Variants in CYRIA observed in about 807,000 individuals in gnomAD.
CYRIA encodes CYFIP related Rac1 interactor A.
A neutral mutation model predicts 43.9 loss-of-function variants in CYRIA; 15 were observed. The observed-to-expected ratio is 0.34, with a 90% CI of 0.23 to 0.53. The LOEUF (loss-of-function observed/expected upper bound fraction) is 0.53. Among genes scored for constraint, CYRIA ranks in the 20% least tolerant of loss-of-function variants. The pLI is 0.94. For synonymous variants in CYRIA, 117 were observed against 136.0 expected (o/e 0.86, Z 0.97); for missense variants, 236 against 394.2 (o/e 0.60, Z 3.40).
At chr2:16,662,600 G>A (rs929905365) in intron 1 of CYRIA, among the ~76,000 whole-genome samples, 21 of 152,172 alleles carry the variant, frequency 1.4e-4, no homozygotes, top group Non-Finnish European at 1.2e-4. Context: ...AGTTGGAACC[G>A]GAGACTTCTA....
chr2:16,616,913 C>G (rs1231152072), intron 2 of CYRIA, among the ~76,000 whole-genome samples: 2 of 152,236 alleles, frequency 1.3e-5, no homozygotes, highest in Middle Eastern at 3.2e-3. Flanking sequence ...CCAAGAGCAT[C>G]TGGCTCCAGA....
chr2:16,624,104 A>G (rs1355970808), intron 1 of CYRIA, 85 bp from the exon 2 acceptor site: 1 of 152,268 alleles, frequency 6.6e-6, no homozygotes, highest in Non-Finnish European at 1.5e-5. Flanking sequence ...AGGAGAGCAG[A>G]GAGTCACAAG....
intron 2 of CYRIA, among the ~76,000 whole-genome samples, chr2:16,604,067 C>A (rs771230311): frequency 6.6e-6 from 1 of 152,198 alleles, no homozygotes; most frequent in African/African-American, 2.4e-5. Flanking sequence ...TGGCCTCTCA[C>A]GTCGTCAGGC....
chr2:16,592,456 G>A (rs1667964258), intron 2 of CYRIA, among the ~76,000 whole-genome samples: 1 of 151,996 alleles, frequency 6.6e-6, no homozygotes, highest in African/African-American at 2.4e-5. Context: ...TGTCCTCTCT[G>A]GGAGGCCTTT....
intron 1 of CYRIA, among the ~76,000 whole-genome samples, chr2:16,632,700 T>C (rs183834153): frequency 2.9e-4 from 44 of 152,070 alleles, no homozygotes; most frequent in Admixed American, 3.9e-4. Context: ...TCAGAGTCCA[T>C]AGGATGAGGA....
At chr2:16,647,816 T>C (rs1358084403) in intron 1 of CYRIA, among the ~76,000 whole-genome samples, 2 of 152,162 alleles carry the variant, frequency 1.3e-5, no homozygotes, top group Non-Finnish European at 2.9e-5. Flanking sequence ...TGTCTGCTAA[T>C]CAGACTGCCT....
intron 10 of CYRIA, among the ~76,000 whole-genome samples, chr2:16,558,507 A>C (rs1182717993): frequency 1.3e-5 from 2 of 152,174 alleles, no homozygotes; most frequent in African/African-American, 4.8e-5. Context: ...GTTACTACCA[A>C]GAGATGCTAT....
chr2:16,624,855 A>G (rs937378484), intron 1 of CYRIA, among the ~76,000 whole-genome samples: 2 of 152,240 alleles, frequency 1.3e-5, no homozygotes, highest in African/African-American at 4.8e-5. Context: ...TCCTCAAAAA[A>G]TCCCAGTGAG....
intron 3 of CYRIA, among the ~76,000 whole-genome samples, chr2:16,579,565 T>C (rs1667477329): frequency 6.6e-6 from 1 of 152,034 alleles, no homozygotes; most frequent in Admixed American, 6.5e-5. Context: ...AGTGAAAAGG[T>C]GTTAATTTGC....
At chr2:16,603,949 T>C (rs1290301077) in intron 2 of CYRIA, among the ~76,000 whole-genome samples, 1 of 152,204 alleles carries the variant, frequency 6.6e-6, no homozygotes. Flanking sequence ...ATCCTAAATA[T>C]GCCAGGTTTA....
At chr2:16,633,543 CTT>C (rs755223919) in intron 1 of CYRIA, among the ~76,000 whole-genome samples, 1 of 92,320 alleles carries the variant, frequency 1.1e-5, no homozygotes, top group Non-Finnish European at 2.2e-5. Flanking sequence ...CTATCCCTGG[CTT>C]TTTTTTTTTT....
intron 2 of CYRIA, among the ~76,000 whole-genome samples, chr2:16,605,025 C>T (rs1043664999): frequency 6.6e-6 from 1 of 152,088 alleles, no homozygotes; most frequent in Non-Finnish European, 1.5e-5. Flanking sequence ...CTTGAATATT[C>T]TCATCGATCA....
intron 2 of CYRIA, among the ~76,000 whole-genome samples, chr2:16,620,709 C>T (rs1239433954): frequency 6.6e-6 from 1 of 152,124 alleles, no homozygotes. Context: ...TGATTCATAC[C>T]CTCACCTCCC....
In CYRIA at chr2:16,646,128, C is replaced by G. The variant is rs556342840; in HGVS notation, c.-167+19652G>C. 8.1e-4 allele frequency among the ~76,000 whole-genome samples: 124 copies of G among 152,234 alleles called. 2 individuals carry two copies. The South Asian group carries it at 0.025, about 31-fold the overall frequency. ...CTTTCCCTCTCTGGGCCTCAGTATT[C>G]CCACCTATAAGATGGATGGCTTGAT... On this transcript the variant is annotated intron_variant, in intron 1 of 11. Transcript: ENST00000381323.
chr2:16,617,855 A>T (rs1054486248), intron 2 of CYRIA, among the ~76,000 whole-genome samples: 1 of 152,228 alleles, frequency 6.6e-6, no homozygotes, highest in African/African-American at 2.4e-5. Context: ...AAGCTGCATG[A>T]TCAAGCCCAA....
chr2:16,629,629 G>A (rs1347955310), intron 1 of CYRIA, among the ~76,000 whole-genome samples: 1 of 152,202 alleles, frequency 6.6e-6, no homozygotes, highest in African/African-American at 2.4e-5. Context: ...AACTGGCAGG[G>A]CTCTTGGAGG....
rs532483905 is a variant in CYRIA, at chr2:16,555,221, T to C, written c.838-82A>G. The C allele has an allele frequency of 1.2e-5, 15 of 1,247,666 alleles. No individual in the cohort carries two copies. The South Asian group carries it at 1.5e-4, about 13-fold the overall frequency. 77.3% of individuals were successfully genotyped at this position (1,247,666 alleles called of 1,614,324 possible). A position where few individuals can be genotyped will look rare whatever the true frequency, so the allele number is the denominator to read the frequency against. ...ATCTACCCATAATAACATGTGCCCA[T>C]AATGTCACATTATATCTTCCCATAG... is the stretch of plus-strand genomic sequence containing the variant. On this transcript the variant is annotated intron_variant, in intron 10 of 11. Transcript: ENST00000381323.
chr2:16,621,235 T>G (rs1668983857), intron 2 of CYRIA, among the ~76,000 whole-genome samples: 1 of 152,124 alleles, frequency 6.6e-6, no homozygotes, highest in East Asian at 1.9e-4. Flanking sequence ...GTAAGTAAAT[T>G]CCAAGAGAAC....
chr2:16,591,482 TA>T (rs1213336573), intron 2 of CYRIA, among the ~76,000 whole-genome samples: 14 of 152,186 alleles, frequency 9.2e-5, no homozygotes, highest in Non-Finnish European at 2.1e-4. Flanking sequence ...CTCTGGTTTC[TA>T]AAAGAAGAGG....
Sources: allele counts gnomAD v4.1 joint callset (sites outside exome capture counted in the v4.1 genomes callset), GRCh38; gene constraint gnomAD v4.1.1; transcripts MANE v1.5; gene names NCBI Gene and HGNC (gene_info 2026-07-23, HGNC 2026-07-21).